Variants in ABCC11 observed in about 807,000 individuals in gnomAD.
ABCC11 encodes the protein ATP binding cassette subfamily C member 11, also known as ATP-binding cassette sub-family C member 11.
ABCC11 carries 135 observed loss-of-function variants against 149.3 expected under a neutral mutation model. The observed-to-expected ratio is 0.90, with a 90% CI of 0.79 to 1.04. ABCC11 has a LOEUF of 1.04. Ranked by LOEUF, ABCC11 falls within the 50% of genes least tolerant of loss-of-function variation. ABCC11 has a pLI of 0.00. For synonymous variants in ABCC11, 665 were observed against 671.4 expected (o/e 0.99, Z 0.15); for missense variants, 1,680 against 1,722.1 (o/e 0.98, Z 0.43).
intron 22 of ABCC11, among the ~76,000 whole-genome samples, chr16:48,185,260 G>C (rs2150761104): frequency 6.6e-6 from 1 of 152,262 alleles, no homozygotes; most frequent in Non-Finnish European, 1.5e-5. Context: ...ATTTTTTAAA[G>C]TACCAAGAAA....
At chr16:48,211,499 C>A (rs1347810912) in intron 10 of ABCC11, among the ~76,000 whole-genome samples, 2 of 152,138 alleles carry the variant, frequency 1.3e-5, no homozygotes, top group South Asian at 4.1e-4. Context: ...TAGCCTCATC[C>A]CAAGTGATGA....
At chr16:48,188,310 C>T (rs115351031) in intron 20 of ABCC11, among the ~76,000 whole-genome samples, 2,703 of 152,312 alleles carry the variant, frequency 0.018, 100 homozygotes, top group African/African-American at 0.063. Context: ...CAAGAACCCT[C>T]ATGGACTAAG....
intron 7 of ABCC11, 143 bp from the exon 8 acceptor site, chr16:48,215,487 T>C (rs1596798020): frequency 1.0e-6 from 1 of 962,658 alleles, no homozygotes; most frequent in East Asian, 2.6e-5. Flanking sequence ...CAGGCCACTA[T>C]GCCTTAGAGC....
intron 1 of ABCC11, among the ~76,000 whole-genome samples, chr16:48,243,100 T>C (rs1278322109): frequency 1.3e-5 from 2 of 149,044 alleles, no homozygotes; most frequent in Non-Finnish European, 3.0e-5. Flanking sequence ...GTATCAAGGT[T>C]GTAAAAAAAA....
intron 8 of ABCC11, 56 bp from the exon 9 acceptor site, chr16:48,215,085 G>A: frequency 6.3e-7 from 1 of 1,599,200 alleles, no homozygotes; most frequent in South Asian, 1.1e-5. Context: ...TCTCCAAAGA[G>A]CACAGCACCA....
chr16:48,205,665 A>C, intron 12 of ABCC11, 128 bp from the exon 13 acceptor site: 1 of 1,259,792 alleles, frequency 7.9e-7, no homozygotes, highest in South Asian at 1.6e-5. Flanking sequence ...GGTAAAAGGG[A>C]CTTTTAATGT....
Position 48,198,003 on chromosome 16 carries a change from G to T in ABCC11, c.2282C>A (p.Thr761Asn). 1 of 1,614,162 alleles carries T rather than the reference G, an allele frequency of 6.2e-7. No individual in the cohort carries two copies. The highest frequency in any genetic ancestry group is 2.2e-5 in the East Asian group (1 of 44,876). ...KPKVESQALATSLEESLNGNA... is the reference protein window; with the variant it reads ...KPKVESQALANSLEESLNGNA... ...TCCGTTGAGAGACTCTTCCAGGGAG[G>T]TGGCCAGAGCCTGACTTTCTACCTT... The change falls in exon 17 of 30, where the codon ACC becomes AAC. Residue 761 changes from threonine (T) to asparagine (N), a missense_variant. Thr to Asn is a moderately conservative substitution (Grantham distance 65, BLOSUM62 0). Transcript: ENST00000356608.
intron 1 of ABCC11, chr16:48,232,328 A>T (rs1030531097): frequency 1.2e-5 from 2 of 161,570 alleles, no homozygotes; most frequent in African/African-American, 2.4e-5. Context: ...TATGCACTAC[A>T]CAGAGAGCCT....
chr16:48,245,825 T>C (rs1041833479), intron 1 of ABCC11, among the ~76,000 whole-genome samples: 1 of 152,304 alleles, frequency 6.6e-6, no homozygotes, highest in South Asian at 2.1e-4. Context: ...ATTATATTTT[T>C]ATTGGACAAT....
chr16:48,175,139 C>G (rs1339709938), intron 26 of ABCC11, 119 bp downstream of exon 26: 2 of 1,316,556 alleles, frequency 1.5e-6, no homozygotes, highest in Non-Finnish European at 2.1e-6. Flanking sequence ...AGTGGCCCAG[C>G]AGGCCAAGGA....
chr16:48,217,843 T>A (rs1391811502), intron 6 of ABCC11, among the ~76,000 whole-genome samples: 1 of 151,882 alleles, frequency 6.6e-6, no homozygotes, highest in Non-Finnish European at 1.5e-5. Flanking sequence ...TCTTTTAAGA[T>A]TAAAAATTGC....
At chr16:48,185,104 G>A (rs1229179140) in intron 22 of ABCC11, among the ~76,000 whole-genome samples, 1 of 152,130 alleles carries the variant, frequency 6.6e-6, no homozygotes, top group Non-Finnish European at 1.5e-5. Context: ...GTAAAACCGA[G>A]ACACCCGGGG....
intron 26 of ABCC11, 96 bp downstream of exon 26, chr16:48,175,162 G>A (rs768586639): frequency 4.0e-5 from 59 of 1,457,782 alleles, no homozygotes; most frequent in Non-Finnish European, 4.3e-5. Context: ...CCTGGAAATC[G>A]GGGCATTGGT....
At chr16:48,195,179 C>A (rs1967282493) in intron 18 of ABCC11, among the ~76,000 whole-genome samples, 1 of 152,214 alleles carries the variant, frequency 6.6e-6, no homozygotes, top group Non-Finnish European at 1.5e-5. Context: ...CTCTTACCAT[C>A]TGATGGAAGC....
intron 28 of ABCC11, among the ~76,000 whole-genome samples, chr16:48,169,667 C>CA (rs1965569263): frequency 1.3e-5 from 2 of 149,552 alleles, no homozygotes; most frequent in African/African-American, 4.9e-5. Context: ...ATTGCAAGGA[C>CA]AAAAAACCAA....
chr16:48,192,462 T>A (rs1967006349), intron 20 of ABCC11, 58 bp downstream of exon 20: 1 of 1,539,934 alleles, frequency 6.5e-7, no homozygotes, highest in Non-Finnish European at 8.8e-7. Flanking sequence ...AAAATAAAAA[T>A]GAAGCTGGGC....
At position 48,178,312 on chromosome 16, in the gene ABCC11, C is replaced by A. The variant is rs149052687; in HGVS notation, c.3348+285G>T. 2.7e-3 allele frequency among the ~76,000 whole-genome samples: 415 copies of A among 152,264 alleles called. 2 individuals are homozygous for A. The highest frequency in any genetic ancestry group is 6.8e-3 in the Middle Eastern group (2 of 294). On this transcript the variant is annotated intron_variant, in intron 24 of 29. Coordinates refer to ENST00000356608, the MANE Select transcript of ABCC11 (RefSeq NM_001370497.1). ...TAATAGGAACAAAGATTGTTGTCAT[C>A]ATTATTATTGCACTGGGCAAACCTC...
chr16:48,167,671 C>T lies in ABCC11; in HGVS notation c.3892-11G>A, dbSNP rs745597673. The T allele has an allele frequency of 2.4e-5, 38 of 1,613,854 alleles. No homozygotes were observed. The East Asian group carries it at 7.8e-4, about 33-fold the overall frequency. On this transcript the variant is annotated splice_polypyrimidine_tract_variant and intron_variant, in intron 28 of 29. Coordinates refer to ENST00000356608, the MANE Select transcript of ABCC11 (RefSeq NM_001370497.1). ...ATCGATAAGGATGATCTGATGAATA[C>T]AAAACAGGGGTGAAGGTGTCTACTT...
intron 19 of ABCC11, 52 bp downstream of exon 19, chr16:48,193,827 C>A (rs1206391300): frequency 1.4e-6 from 2 of 1,469,188 alleles, no homozygotes; most frequent in South Asian, 2.3e-5. Context: ...AGAAGTCACC[C>A]CACCTCACTC....
Sources: allele counts gnomAD v4.1 joint callset (sites outside exome capture counted in the v4.1 genomes callset), GRCh38; gene constraint gnomAD v4.1.1; transcripts MANE v1.5; gene names NCBI Gene and HGNC (gene_info 2026-07-23, HGNC 2026-07-21).